The following MECOM variants were observed in gnomAD, a reference collection of about 807,000 sequenced individuals.
MECOM encodes histone-lysine N-methyltransferase MECOM.
Under a neutral mutation model 116.3 loss-of-function variants are expected in MECOM, and 13 were observed. The observed-to-expected ratio is 0.11, with a 90% CI of 0.07 to 0.18. The LOEUF is 0.18. Ranked by LOEUF, MECOM falls within the 10% of genes least tolerant of loss-of-function variation. The pLI is 1.00. For missense variants in MECOM, 1,299 were observed against 1,509.0 expected (o/e 0.86, Z 2.31); for synonymous variants, 528 against 535.2 (o/e 0.99, Z 0.19).
Position 169,219,368 on chromosome 3 carries a change from G to A in MECOM, c.376-75536C>T, listed in dbSNP as rs148186544. 3.1e-3 allele frequency among the ~76,000 whole-genome samples: 476 copies of A among 152,250 alleles called. 3 individuals are homozygous for A. Among genetic ancestry groups the A allele is most frequent in the African/African-American group, 7.6e-3 (314 of 41,552 alleles). ...AAAAATACAAAAAAATTAGCCAGGC[G>A]TGGTGGTGGGCGCCTGTAGTCCCAG... On this transcript the variant is annotated intron_variant, in intron 2 of 16. Transcript: ENST00000651503.
chr3:169,358,787 T>C lies in MECOM; in HGVS notation c.375+22400A>G, dbSNP rs1727730654. ...GAACTGCATAAACTTATAAGACTTA[T>C]AACAAAGTTAAAAACGTAAGTGGCT... On this transcript the variant is annotated intron_variant, in intron 2 of 16. Coordinates refer to ENST00000651503, the MANE Select transcript of MECOM (RefSeq NM_004991.4). 2.0e-5 allele frequency among the ~76,000 whole-genome samples: 3 copies of C among 151,714 alleles called. No homozygotes were observed. The South Asian group carries it at 6.2e-4, about 31-fold the overall frequency.
intron 2 of MECOM, among the ~76,000 whole-genome samples, chr3:169,169,985 C>T (rs1744165369): frequency 6.6e-6 from 1 of 151,960 alleles, no homozygotes; most frequent in African/African-American, 2.4e-5. Flanking sequence ...AAATGAAATC[C>T]CCAGACTATC....
chr3:169,499,400 G>A (rs1284567991), intron 1 of MECOM, among the ~76,000 whole-genome samples: 1 of 137,464 alleles, frequency 7.3e-6, no homozygotes, highest in African/African-American at 2.7e-5. Flanking sequence ...GAGAAGAACT[G>A]TTCTCCTCAA....
intron 1 of MECOM, among the ~76,000 whole-genome samples, chr3:169,398,570 C>T (rs1188078868): frequency 6.6e-6 from 1 of 152,146 alleles, no homozygotes; most frequent in East Asian, 1.9e-4. Context: ...TGTGACTGGT[C>T]ACAGTCAATG....
chr3:169,123,158 T>A (rs1020145046), intron 5 of MECOM, among the ~76,000 whole-genome samples: 9 of 151,488 alleles, frequency 5.9e-5, no homozygotes, highest in South Asian at 2.1e-4. Context: ...TAAGCTCACT[T>A]GTGAGCTTAA....
At chr3:169,232,939 G>T (rs1228556162) in intron 2 of MECOM, among the ~76,000 whole-genome samples, 4 of 151,908 alleles carry the variant, frequency 2.6e-5, no homozygotes, top group Non-Finnish European at 4.4e-5. Flanking sequence ...GTCACCTCAT[G>T]TTCTCTTCCA....
Position 169,477,534 on chromosome 3 carries a change from A to G in MECOM, c.38-96010T>C, listed in dbSNP as rs565231838. 2.6e-5 allele frequency among the ~76,000 whole-genome samples: 4 copies of G among 152,272 alleles called. No individual in the cohort carries two copies. The East Asian group carries it at 7.7e-4, about 29-fold the overall frequency. ...GTAAGATTAATCTTTGGCCAAGAGCACTTCTCTGTTTCTTGCAAAGGATTA... is the reference window on the plus strand; with the variant it reads ...GTAAGATTAATCTTTGGCCAAGAGCGCTTCTCTGTTTCTTGCAAAGGATTA... On this transcript the variant is annotated intron_variant, in intron 1 of 16. Transcript: ENST00000651503.
At chr3:169,389,338 A>G (rs377515154) in intron 1 of MECOM, among the ~76,000 whole-genome samples, 5 of 152,376 alleles carry the variant, frequency 3.3e-5, no homozygotes, top group Admixed American at 6.5e-5. Context: ...ACGCAAAGAC[A>G]TTAAAGTTCT....
intron 2 of MECOM, among the ~76,000 whole-genome samples, chr3:169,256,888 A>G (rs1418180558): frequency 6.6e-6 from 1 of 152,230 alleles, no homozygotes; most frequent in Non-Finnish European, 1.5e-5. Context: ...TAGAGTAGGC[A>G]TAGAGCCATC....
intron 2 of MECOM, among the ~76,000 whole-genome samples, chr3:169,361,945 T>G (rs1728372426): frequency 6.6e-6 from 1 of 151,858 alleles, no homozygotes; most frequent in Non-Finnish European, 1.5e-5. Context: ...AAAACAAAGC[T>G]TTGGTCTTAA....
intron 1 of MECOM, among the ~76,000 whole-genome samples, chr3:169,567,968 A>G (rs1459597711): frequency 6.6e-6 from 1 of 152,224 alleles, no homozygotes; most frequent in Non-Finnish European, 1.5e-5. Context: ...TGCAGCTCCC[A>G]GCGAGATCAA....
intron 1 of MECOM, among the ~76,000 whole-genome samples, chr3:169,451,742 G>C (rs1745637808): frequency 6.6e-6 from 1 of 152,018 alleles, no homozygotes; most frequent in Admixed American, 6.6e-5. Flanking sequence ...GTAAAATACA[G>C]TTTACACAAA....
At chr3:169,531,987 A>G (rs1332387667) in intron 1 of MECOM, among the ~76,000 whole-genome samples, 1 of 152,180 alleles carries the variant, frequency 6.6e-6, no homozygotes, top group Non-Finnish European at 1.5e-5. Context: ...GCAAGTTCCT[A>G]AAGTTTTGAG....
rs1486277777 is a variant in MECOM, at chr3:169,263,106, TATATATATATATATATATATATG to T, written c.375+118058_375+118080del. ...ATATATATATATATATATATATATA[TATATATATATATATATATATATG>T]TTTTTTTTTTTTTTTTTGAGACAGA... is the stretch of plus-strand genomic sequence containing the variant. On this transcript the variant is annotated intron_variant, in intron 2 of 16. Coordinates refer to ENST00000651503, the MANE Select transcript of MECOM (RefSeq NM_004991.4). 8.2e-3 allele frequency among the ~76,000 whole-genome samples: 811 copies of T among 99,314 alleles called. 5 individuals are homozygous for T. Among genetic ancestry groups the T allele is most frequent in the Non-Finnish European group, 0.01 (536 of 53,276 alleles). The allele number at this position is 99,314 out of a possible 152,430, so 65.2% of individuals were successfully genotyped here.
chr3:169,408,340 A>G (rs1292395468), intron 1 of MECOM, among the ~76,000 whole-genome samples: 1 of 152,230 alleles, frequency 6.6e-6, no homozygotes, highest in Non-Finnish European at 1.5e-5. Flanking sequence ...ATATGTCAAC[A>G]CATGATAGGC....
intron 1 of MECOM, among the ~76,000 whole-genome samples, chr3:169,472,508 G>GAAAAGAAAAGAAAAGA (rs1560317589): frequency 4.8e-5 from 4 of 84,136 alleles, no homozygotes; most frequent in Admixed American, 3.9e-4. Context: ...GAAAGGAAAG[G>GAAAAGAAAAGAAAAGA]AAAGGAAAGG....
intron 1 of MECOM, among the ~76,000 whole-genome samples, chr3:169,651,964 C>A (rs1774971694): frequency 6.6e-6 from 1 of 152,022 alleles, no homozygotes; most frequent in Non-Finnish European, 1.5e-5. Context: ...TTTATACATT[C>A]TTTTCATTTA....
At chr3:169,578,734 T>G (rs1764785208) in intron 1 of MECOM, among the ~76,000 whole-genome samples, 1 of 152,176 alleles carries the variant, frequency 6.6e-6, no homozygotes, top group South Asian at 2.1e-4. Context: ...ACCCACATTG[T>G]GGGGACCGCT....
intron 3 of MECOM, among the ~76,000 whole-genome samples, chr3:169,132,266 G>A (rs1043903861): frequency 1.3e-5 from 2 of 152,140 alleles, no homozygotes; most frequent in African/African-American, 4.8e-5. Flanking sequence ...ATCTGTTAAT[G>A]ACTGACTCAA....
Sources: allele counts gnomAD v4.1 joint callset (sites outside exome capture counted in the v4.1 genomes callset), GRCh38; gene constraint gnomAD v4.1.1; transcripts MANE v1.5; gene names NCBI Gene and HGNC (gene_info 2026-07-23, HGNC 2026-07-21).